The following LSAMP variants were observed in gnomAD, a reference collection of about 807,000 sequenced individuals.
LSAMP encodes the protein limbic system associated membrane protein.
A neutral mutation model predicts 38.6 loss-of-function variants in LSAMP; 7 were observed. That is an observed-to-expected ratio of 0.18 (90% CI 0.10 to 0.34). The LOEUF (loss-of-function observed/expected upper bound fraction) is 0.34. LSAMP is among the 10% of genes least tolerant of loss of function. The pLI is 1.00. For missense variants in LSAMP, 313 were observed against 420.0 expected (o/e 0.75, Z 2.23); for synonymous variants, 154 against 166.8 (o/e 0.92, Z 0.59).
intron 3 of LSAMP, among the ~76,000 whole-genome samples, chr3:115,991,900 G>T (rs369786595): frequency 7.9e-5 from 12 of 152,122 alleles, no homozygotes; most frequent in African/African-American, 2.9e-4. Context: ...GCCATGCCAT[G>T]CCCCAGGGTA....
intron 1 of LSAMP, among the ~76,000 whole-genome samples, chr3:116,401,449 T>A (rs1352421296): frequency 6.6e-6 from 1 of 152,178 alleles, no homozygotes; most frequent in East Asian, 1.9e-4. Flanking sequence ...GCCCAGCTAA[T>A]CTTTGTATAA....
chr3:116,140,339 T>A (rs556397338), intron 1 of LSAMP, among the ~76,000 whole-genome samples: 1 of 151,958 alleles, frequency 6.6e-6, no homozygotes, highest in East Asian at 1.9e-4. Flanking sequence ...TGTTTTTTTT[T>A]ATGGGGCCAT....
At chr3:116,255,397 G>C (rs2046736202) in intron 1 of LSAMP, among the ~76,000 whole-genome samples, 1 of 152,168 alleles carries the variant, frequency 6.6e-6, no homozygotes, top group African/African-American at 2.4e-5. Flanking sequence ...CAGCTTAAAA[G>C]TCTTTGGTTA....
intron 1 of LSAMP, among the ~76,000 whole-genome samples, chr3:116,372,656 T>C (rs1360032210): frequency 6.6e-6 from 1 of 151,482 alleles, no homozygotes; most frequent in Non-Finnish European, 1.5e-5. Context: ...TATTTGCAAA[T>C]ACTATCATAA....
At chr3:115,831,665 A>C (rs1359868918) in intron 6 of LSAMP, among the ~76,000 whole-genome samples, 2 of 152,168 alleles carry the variant, frequency 1.3e-5, no homozygotes, top group Non-Finnish European at 2.9e-5. Flanking sequence ...CTCTTTCCTC[A>C]TTTTGCAATT....
intron 1 of LSAMP, among the ~76,000 whole-genome samples, chr3:116,413,106 G>A (rs1479286163): frequency 6.6e-6 from 1 of 151,990 alleles, no homozygotes; most frequent in Non-Finnish European, 1.5e-5. Flanking sequence ...AGGTGATTCT[G>A]ATGTAAAGTT....
At chr3:116,232,507 A>C (rs539806794) in intron 1 of LSAMP, among the ~76,000 whole-genome samples, 1 of 152,288 alleles carries the variant, frequency 6.6e-6, no homozygotes, top group East Asian at 1.9e-4. Context: ...CAGTATCGAG[A>C]TAGAAAGCCT....
chr3:116,442,835 A>C lies in LSAMP; in HGVS notation c.155+2042T>G, dbSNP rs145951440. On this transcript the variant is annotated intron_variant, in intron 1 of 6. Transcript: ENST00000490035. ...AATGTCTGCTAAAGCGTAATGTTTA[A>C]AACTCTGTTTCTATTGCGCCATAGA... Among the ~76,000 whole-genome samples the C allele has an allele frequency of 3.7e-3, 570 of 152,282 alleles. 4 individuals carry two copies. Among genetic ancestry groups the C allele is most frequent in the African/African-American group, 0.013 (539 of 41,562 alleles).
intron 1 of LSAMP, among the ~76,000 whole-genome samples, chr3:116,100,695 TC>T (rs1708326715): frequency 6.6e-6 from 1 of 152,184 alleles, no homozygotes. Context: ...GATCATGTAC[TC>T]ATCTTATTTA....
chr3:115,810,475 T>C (rs1482511731), intron 6 of LSAMP, 61 bp from the exon 7 acceptor site: 7 of 1,104,812 alleles, frequency 6.3e-6, no homozygotes, highest in East Asian at 2.4e-5. Flanking sequence ...CTGTATGTTA[T>C]AGCTGACTGC....
chr3:115,927,472 C>A (rs1288667103), intron 3 of LSAMP, among the ~76,000 whole-genome samples: 1 of 152,218 alleles, frequency 6.6e-6, no homozygotes, highest in African/African-American at 2.4e-5. Context: ...TGCTGCCTGG[C>A]CTGGCCATCT....
chr3:115,962,121 G>T (rs574479158), intron 3 of LSAMP, among the ~76,000 whole-genome samples: 1 of 152,070 alleles, frequency 6.6e-6, no homozygotes, highest in Non-Finnish European at 1.5e-5. Context: ...CTTAATGATC[G>T]ACTTGCCCAA....
At chr3:116,102,169 C>T (rs1370693123) in intron 1 of LSAMP, among the ~76,000 whole-genome samples, 1 of 152,118 alleles carries the variant, frequency 6.6e-6, no homozygotes, top group Admixed American at 6.5e-5. Context: ...TCCACTGATC[C>T]TTTGTCTGGA....
chr3:115,869,269 GGAGAGAGA>G (rs35112915), intron 3 of LSAMP, among the ~76,000 whole-genome samples: 12 of 128,520 alleles, frequency 9.3e-5, no homozygotes, highest in East Asian at 8.9e-4. Flanking sequence ...TCTTGGAGGG[GGAGAGAGA>G]GAGAGAGAGA....
At chr3:116,183,158 A>T (rs541401544) in intron 1 of LSAMP, among the ~76,000 whole-genome samples, 1 of 151,964 alleles carries the variant, frequency 6.6e-6, no homozygotes, top group East Asian at 1.9e-4. Flanking sequence ...GATTGAAGTG[A>T]TGGGGATAAA....
At chr3:115,912,583 G>C (rs1284504174) in intron 3 of LSAMP, among the ~76,000 whole-genome samples, 2 of 152,160 alleles carry the variant, frequency 1.3e-5, no homozygotes, top group African/African-American at 4.8e-5. Flanking sequence ...ACTGTGTTGC[G>C]TCATTGCAGC....
intron 1 of LSAMP, among the ~76,000 whole-genome samples, chr3:116,134,037 A>C (rs144319700): frequency 5.9e-4 from 90 of 152,332 alleles, no homozygotes; most frequent in African/African-American, 2.0e-3. Flanking sequence ...GGACTGAACT[A>C]GAATATGATC....
At chr3:115,836,207 C>T (rs1329925445) in intron 6 of LSAMP, among the ~76,000 whole-genome samples, 1 of 152,134 alleles carries the variant, frequency 6.6e-6, no homozygotes, top group Non-Finnish European at 1.5e-5. Context: ...ACCGTCTTAG[C>T]TCCACCCTGT....
chr3:116,439,733 T>C (rs1055197488), intron 1 of LSAMP, among the ~76,000 whole-genome samples: 1 of 152,200 alleles, frequency 6.6e-6, no homozygotes, highest in Non-Finnish European at 1.5e-5. Flanking sequence ...TATTTATTTA[T>C]TTATTTTTGA....
Sources: allele counts gnomAD v4.1 joint callset (sites outside exome capture counted in the v4.1 genomes callset), GRCh38; gene constraint gnomAD v4.1.1; transcripts MANE v1.5; gene names NCBI Gene and HGNC (gene_info 2026-07-23, HGNC 2026-07-21).